Variants in NECAB2 observed in about 807,000 individuals in gnomAD.
The protein encoded by NECAB2 is N-terminal EF-hand calcium binding protein 2.
A neutral mutation model predicts 51.9 loss-of-function variants in NECAB2; 68 were observed. The ratio of observed to expected loss-of-function variants is 1.31; its 90% confidence interval spans 1.08 to 1.60. NECAB2 has a LOEUF of 1.60. NECAB2 is among the 40% of genes most tolerant of loss of function. The pLI is 0.00. For missense variants in NECAB2, 854 were observed against 490.3 expected, an observed-to-expected ratio of 1.74 and a Z score of -7.00; for synonymous variants, 329 against 203.5, an observed-to-expected ratio of 1.62 and a Z score of -5.25.
At chr16:83,970,661 C>A (rs897718368) in intron 1 of NECAB2, among the ~76,000 whole-genome samples, 1 of 152,146 alleles carries the variant, frequency 6.6e-6, no homozygotes, top group African/African-American at 2.4e-5. Context: ...GCTGACCTGG[C>A]CCCAGCAGCC....
At chr16:83,969,154 A>G (rs1381450336) in intron 1 of NECAB2, among the ~76,000 whole-genome samples, 5 of 147,600 alleles carry the variant, frequency 3.4e-5, no homozygotes, top group Non-Finnish European at 7.5e-5. Context: ...CTGTCCCCCT[A>G]GTTTTGTCCA....
chr16:84,001,205 G>C (rs967967544), intron 11 of NECAB2, among the ~76,000 whole-genome samples: 3 of 152,128 alleles, frequency 2.0e-5, no homozygotes, highest in African/African-American at 7.2e-5. Context: ...TGCCCGGTAC[G>C]AGGGACGGAG....
chr16:83,983,084 GTCTCA>G (rs1228940893), intron 5 of NECAB2, among the ~76,000 whole-genome samples: 9 of 152,048 alleles, frequency 5.9e-5, no homozygotes, highest in Admixed American at 1.3e-4. Context: ...GGCCAGGCTG[GTCTCA>G]AAGTCCTGAC....
At chr16:83,997,406 T>C in intron 9 of NECAB2, 137 bp downstream of exon 9, 1 of 1,066,916 alleles carries the variant, frequency 9.4e-7, no homozygotes. Flanking sequence ...GCCCAGCGCT[T>C]GGCACCCAGA....
At chr16:83,975,994 GC>G (rs766428968) in intron 2 of NECAB2, among the ~76,000 whole-genome samples, 3 of 152,146 alleles carry the variant, frequency 2.0e-5, no homozygotes, top group East Asian at 3.9e-4. Flanking sequence ...GGGGCACCTT[GC>G]TGGCCTCTGT....
At chr16:83,996,020 C>A (rs373447032) in intron 8 of NECAB2, among the ~76,000 whole-genome samples, 1 of 152,226 alleles carries the variant, frequency 6.6e-6, no homozygotes, top group African/African-American at 2.4e-5. Flanking sequence ...GGACCAGGTC[C>A]TCCTCCCCAG....
At chr16:83,978,621 G>A (rs963257223) in intron 3 of NECAB2, 69 bp downstream of exon 3, 13 of 1,346,074 alleles carry the variant, frequency 9.7e-6, no homozygotes, top group African/African-American at 8.8e-5. Flanking sequence ...TTTTCATCTA[G>A]TGTCCGTTCC....
At chr16:83,998,550 G>A (rs1159577799) in intron 10 of NECAB2, among the ~76,000 whole-genome samples, 1 of 152,132 alleles carries the variant, frequency 6.6e-6, no homozygotes, top group Non-Finnish European at 1.5e-5. Flanking sequence ...GTAAAGGGGG[G>A]ACCACCCCCA....
Position 84,002,495 on chromosome 16 carries a change from G to GGTGTTTCCCTGTTGTTAA in NECAB2, c.*150_*151insTGTTTCCCTGTTGTTAAG. The GGTGTTTCCCTGTTGTTAA allele has an allele frequency of 9.7e-7, 1 of 1,028,576 alleles. No homozygotes were observed. Among genetic ancestry groups the GGTGTTTCCCTGTTGTTAA allele is most frequent in the Non-Finnish European group, 1.5e-6 (1 of 685,794 alleles). The allele number at this position is 1,028,576 out of a possible 1,614,324, so 63.7% of individuals were successfully genotyped here. On this transcript the variant is annotated 3_prime_UTR_variant, in exon 13 of 13. Coordinates refer to ENST00000305202, the MANE Select transcript of NECAB2 (RefSeq NM_019065.3). Reference sequence around the variant, plus strand: ...TGTTTCCCTGTTGTTAAGTGAAGGAGGCCGCCCCTGCCCCCACCTGAGAAG... The same window carrying GGTGTTTCCCTGTTGTTAA: ...TGTTTCCCTGTTGTTAAGTGAAGGAGGTGTTTCCCTGTTGTTAAGCCGCCCCTGCCCCCACCTGAGAAG...
At chr16:84,000,204 C>A (rs1597231629) in intron 10 of NECAB2, among the ~76,000 whole-genome samples, 1 of 152,288 alleles carries the variant, frequency 6.6e-6, no homozygotes, top group East Asian at 1.9e-4. Context: ...ATCCAGCCAC[C>A]TGGTTTTGTT....
intron 2 of NECAB2, among the ~76,000 whole-genome samples, chr16:83,975,075 GGTGCAGGGATGAGAACAGGT>G (rs1395214591): frequency 2.1e-4 from 27 of 131,144 alleles, no homozygotes; most frequent in African/African-American, 7.7e-4. Context: ...GGGAGGTGTG[GGTGCAGGGATGAGAACAGGT>G]GTGCAGGGAT....
chr16:83,977,309 A>C (rs1235562332), intron 2 of NECAB2, among the ~76,000 whole-genome samples: 3 of 151,296 alleles, frequency 2.0e-5, no homozygotes, highest in Non-Finnish European at 4.4e-5. Context: ...AGGAGGGGGG[A>C]GGTGGCTGCA....
At chr16:83,980,814 T>G (rs754357416) in intron 3 of NECAB2, 25 bp from the exon 4 acceptor site, 1 of 1,564,944 alleles carries the variant, frequency 6.4e-7, no homozygotes, top group Non-Finnish European at 8.7e-7. Flanking sequence ...TCTCTGTCTG[T>G]CTCTGCCTCT....
chr16:83,968,807 C>G lies in NECAB2; in HGVS notation c.159C>G (p.Pro53=). The change falls in exon 1 of 13, where the codon CCC becomes CCG. Residue 53 remains proline (P), a synonymous_variant. Transcript: ENST00000305202. ...TGGCCCCCGCCGCCCCCGCGGACCC[C>G]GGCCCAGCCTCGCCGCGCGGGGGCA... ...ESLAPAAPAD[P]GPASPRGGTA... is the part of the protein sequence containing the mutation. The G allele has an allele frequency of 8.9e-7, 1 of 1,128,650 alleles. No homozygotes were observed. The highest frequency in any genetic ancestry group is 4.7e-5 in the East Asian group (1 of 21,222). The allele number at this position is 1,128,650 out of a possible 1,614,324, so 69.9% of individuals were successfully genotyped here.
intron 6 of NECAB2, among the ~76,000 whole-genome samples, chr16:83,990,870 A>G (rs2084615159): frequency 6.6e-6 from 1 of 152,130 alleles, no homozygotes; most frequent in African/African-American, 2.4e-5. Flanking sequence ...CCTGGTGTAC[A>G]TATTTATTAA....
At position 83,990,498 on chromosome 16, in the gene NECAB2, A is replaced by G. The variant is rs946270467; in HGVS notation, c.464A>G (p.Tyr155Cys). Reference sequence around the variant, plus strand: ...CCTCTTCTCTTCCTTCCACAGGTATATGAGGGTGGGAGCAACGTGGACCAG... The same window carrying G: ...CCTCTTCTCTTCCTTCCACAGGTATGTGAGGGTGGGAGCAACGTGGACCAG... The part of the protein sequence containing the change: ...LKAMGYTKKV[Y>C]EGGSNVDQFV... Residue 155 changes from tyrosine to cysteine, a missense_variant, in exon 6 of 13, where the codon TAT (tyrosine) becomes TGT (cysteine). Tyr to Cys is a radical substitution (Grantham distance 194). Transcript: ENST00000305202. The G allele has an allele frequency of 1.2e-5, 19 of 1,613,674 alleles. No homozygotes were observed. The highest frequency in any genetic ancestry group is 1.7e-5 in the Admixed American group (1 of 59,984).
chr16:83,985,300 C>G (rs1236159769), intron 5 of NECAB2, among the ~76,000 whole-genome samples: 2 of 63,096 alleles, frequency 3.2e-5, no homozygotes, highest in African/African-American at 9.7e-5. Context: ...ACAACAAGAG[C>G]AAATCTCTGT....
chr16:83,998,194 G>T lies in NECAB2; in HGVS notation c.850-11G>T. 1.2e-6 allele frequency: 2 copies of T among 1,606,256 alleles called. 1 individual carries two copies. The highest frequency in any genetic ancestry group is 2.7e-5 in the African/African-American group (2 of 75,048). On this transcript the variant is annotated splice_polypyrimidine_tract_variant and intron_variant, in intron 9 of 12. Transcript: ENST00000305202. ...GTGGAGCCCCACACTGACTCCTGCT[G>T]TGCCCGGCAGCACCTGCAGCTGGTC... is the stretch of plus-strand genomic sequence containing the variant.
intron 10 of NECAB2, among the ~76,000 whole-genome samples, chr16:83,999,781 G>T (rs1362863588): frequency 6.6e-6 from 1 of 152,064 alleles, no homozygotes; most frequent in Non-Finnish European, 1.5e-5. Context: ...GCCTCCTTTG[G>T]TCAGGTCAGG....
Sources: gnomAD v4.1 joint callset for allele counts (sites outside exome capture counted in the v4.1 genomes callset) on GRCh38, gnomAD v4.1.1 for gene constraint, MANE v1.5 for transcripts, NCBI Gene and HGNC (gene_info 2026-07-23, HGNC 2026-07-21) for gene names.